Variants in CCDC91 observed in about 807,000 individuals in gnomAD.
CCDC91 encodes coiled-coil domain-containing protein 91.
CCDC91 carries 48 observed loss-of-function variants against 63.2 expected under a neutral mutation model. The ratio of observed to expected loss-of-function variants is 0.76; its 90% CI spans 0.60 to 0.97. CCDC91 has a LOEUF of 0.97. Among genes scored for constraint, CCDC91 ranks in the 50% least tolerant of loss-of-function variants. The pLI is 0.00. For synonymous variants in CCDC91, 167 were observed against 165.8 expected, an observed-to-expected ratio of 1.01 and a Z score of -0.06; for missense variants, 500 against 494.6, an observed-to-expected ratio of 1.01 and a Z score of -0.10.
intron 1 of CCDC91, among the ~76,000 whole-genome samples, chr12:28,244,526 T>TTA (rs3064708): frequency 9.0e-6 from 1 of 111,220 alleles, no homozygotes; most frequent in Non-Finnish European, 1.9e-5. Flanking sequence ...TTTTTTTTTT[T>TTA]ACAGCTCTAC....
intron 1 of CCDC91, among the ~76,000 whole-genome samples, chr12:28,193,538 T>C (rs1591927518): frequency 6.6e-6 from 1 of 151,830 alleles, no homozygotes; most frequent in Admixed American, 6.6e-5. Flanking sequence ...GAGTCGGAGG[T>C]TACAGTGAGC....
At chr12:28,275,086 A>G (rs1388371003) in intron 3 of CCDC91, among the ~76,000 whole-genome samples, 2 of 152,144 alleles carry the variant, frequency 1.3e-5, no homozygotes, top group Non-Finnish European at 2.9e-5. Context: ...AAACACATTC[A>G]AAAGCTAGCA....
intron 1 of CCDC91, among the ~76,000 whole-genome samples, chr12:28,240,394 G>GT (rs1311193253): frequency 3.3e-5 from 5 of 151,838 alleles, no homozygotes; most frequent in Non-Finnish European, 7.4e-5. Flanking sequence ...GTCACCCACT[G>GT]TAAAAAACTG....
chr12:28,370,641 G>A (rs1031870592), intron 7 of CCDC91, among the ~76,000 whole-genome samples: 1 of 152,054 alleles, frequency 6.6e-6, no homozygotes, highest in African/African-American at 2.4e-5. Context: ...CCCACTCCCA[G>A]TACCAATTTT....
chr12:28,498,213 A>T (rs10506037), intron 12 of CCDC91, among the ~76,000 whole-genome samples: 31,603 of 151,490 alleles, frequency 0.21, 4,325 homozygotes, highest in Non-Finnish European at 0.31. Context: ...TATGACTCAC[A>T]CATCAGTAGA....
chr12:28,416,805 T>A (rs1214424035), intron 8 of CCDC91, among the ~76,000 whole-genome samples: 1 of 152,090 alleles, frequency 6.6e-6, no homozygotes, highest in Non-Finnish European at 1.5e-5. Flanking sequence ...AAGCAGAGTA[T>A]CTTGTCAGTA....
At chr12:28,209,522 CT>C (rs1943086941) in intron 1 of CCDC91, among the ~76,000 whole-genome samples, 1 of 150,860 alleles carries the variant, frequency 6.6e-6, no homozygotes, top group Admixed American at 6.6e-5. Flanking sequence ...ACCTCGGCCC[CT>C]GGGTTCAAGT....
chr12:28,241,568 G>A (rs1055134842), intron 1 of CCDC91, among the ~76,000 whole-genome samples: 1 of 151,996 alleles, frequency 6.6e-6, no homozygotes, highest in African/African-American at 2.4e-5. Flanking sequence ...TAGAGTTCTC[G>A]ATGCGCATTT....
intron 12 of CCDC91, among the ~76,000 whole-genome samples, chr12:28,524,234 G>T (rs565703062): frequency 3.9e-5 from 6 of 152,100 alleles, no homozygotes; most frequent in Admixed American, 3.9e-4. Flanking sequence ...ACTTTTCCCC[G>T]TTCAGTATTA....
At chr12:28,190,710 C>T (rs1217120624) in intron 1 of CCDC91, 69 bp downstream of exon 1, 1 of 151,710 alleles carries the variant, frequency 6.6e-6, no homozygotes, top group African/African-American at 2.4e-5. Flanking sequence ...GCGGAGAGCG[C>T]CCCACCGGGG....
chr12:28,512,784 T>G (rs1391376029), intron 12 of CCDC91, among the ~76,000 whole-genome samples: 1 of 151,860 alleles, frequency 6.6e-6, no homozygotes, highest in African/African-American at 2.4e-5. Flanking sequence ...ACGAAGCAAT[T>G]ACTGAATCAA....
In CCDC91 at chr12:28,301,099, A is replaced by G. The variant is rs375057720; in HGVS notation, c.110-4550A>G. The stretch of plus-strand genomic sequence containing the variant: ...TTGACTTGCATTGATTTGTGCCTTT[A>G]GTACAATGTTTAAAGATAGAGAGTT... On this transcript the variant is annotated intron_variant, in intron 3 of 12. Transcript: ENST00000536442. 5.5e-4 allele frequency among the ~76,000 whole-genome samples: 83 copies of G among 151,594 alleles called. No homozygotes were observed. The South Asian group carries it at 0.014, about 25-fold the overall frequency.
At chr12:28,304,376 A>T (rs1290631625) in intron 3 of CCDC91, among the ~76,000 whole-genome samples, 1 of 16,576 alleles carries the variant, frequency 6.0e-5, no homozygotes, top group African/African-American at 1.1e-4. Context: ...GACTCCGTCT[A>T]AAAAAAAAAA....
At chr12:28,279,669 A>G (rs2136542743) in intron 3 of CCDC91, among the ~76,000 whole-genome samples, 1 of 151,734 alleles carries the variant, frequency 6.6e-6, no homozygotes, top group Non-Finnish European at 1.5e-5. Context: ...AAATTTCCCT[A>G]TATTAAATCT....
At chr12:28,418,684 A>G (rs1366562914) in intron 8 of CCDC91, among the ~76,000 whole-genome samples, 1 of 152,144 alleles carries the variant, frequency 6.6e-6, no homozygotes, top group African/African-American at 2.4e-5. Context: ...ATATTTCAAA[A>G]TTAGATTAAA....
At chr12:28,496,503 G>T (rs1369217536) in intron 12 of CCDC91, among the ~76,000 whole-genome samples, 1 of 151,526 alleles carries the variant, frequency 6.6e-6, no homozygotes, top group East Asian at 1.9e-4. Context: ...ACATAGGGAG[G>T]ATATCAAAAA....
intron 11 of CCDC91, among the ~76,000 whole-genome samples, chr12:28,480,886 T>C (rs192712432): frequency 2.2e-4 from 34 of 152,182 alleles, no homozygotes; most frequent in East Asian, 5.8e-4. Flanking sequence ...GGCATTTCAC[T>C]TGTTCATGAT....
At chr12:28,201,393 C>T (rs1192502175) in intron 1 of CCDC91, among the ~76,000 whole-genome samples, 1 of 136,202 alleles carries the variant, frequency 7.3e-6, no homozygotes, top group African/African-American at 2.7e-5. Flanking sequence ...CCAGGCGGGG[C>T]AGCGGGGCAG....
chr12:28,508,733 C>G (rs1274207295), intron 12 of CCDC91, among the ~76,000 whole-genome samples: 1 of 151,830 alleles, frequency 6.6e-6, no homozygotes, highest in African/African-American at 2.4e-5. Context: ...GAGTCAGTAC[C>G]TCTAAAGCCC....
Sources: allele counts gnomAD v4.1 joint callset (sites outside exome capture counted in the v4.1 genomes callset), GRCh38; gene constraint gnomAD v4.1.1; transcripts MANE v1.5; gene names NCBI Gene and HGNC (gene_info 2026-07-23, HGNC 2026-07-21).